The following ITPR1 variants were observed in gnomAD, a reference collection of about 807,000 sequenced individuals.
ITPR1 encodes inositol 1,4,5-trisphosphate-gated calcium channel ITPR1.
In ITPR1, 96 loss-of-function variants were observed where a neutral mutation model predicts 318.4. The observed-to-expected ratio is 0.30, with a 90% CI of 0.26 to 0.36. The LOEUF is 0.36. Ranked by LOEUF, ITPR1 falls within the 10% of genes least tolerant of loss-of-function variation. ITPR1 has a pLI of 1.00. For synonymous variants in ITPR1, 1,312 were observed against 1,289.9 expected (o/e 1.02, Z -0.37); for missense variants, 2,440 against 3,460.2 (o/e 0.71, Z 7.40).
rs146272504 is a variant in ITPR1 at position 4,783,400 on chromosome 3, T to C, written c.6511-416T>C. Among the ~76,000 whole-genome samples, 413 of 152,294 alleles carry C rather than the reference T, an allele frequency of 2.7e-3. 1 individual carries two copies. Among genetic ancestry groups the C allele is most frequent in the African/African-American group, 7.1e-3 (295 of 41,548 alleles). On this transcript the variant is annotated intron_variant, in intron 50 of 61. Transcript: ENST00000649015. ...AACCAGATACACAACAATGATGATATTGGGCCCGAGGTTGGTGGGCCCCTG... is the reference window on the plus strand; with the variant it reads ...AACCAGATACACAACAATGATGATACTGGGCCCGAGGTTGGTGGGCCCCTG...
rs1001755473 is a variant in ITPR1, at chr3:4,816,563, T to G, written c.7867+1345T>G. Among the ~76,000 whole-genome samples the G allele has an allele frequency of 3.9e-5, 6 of 152,166 alleles. No homozygotes were observed. The East Asian group carries it at 1.2e-3, about 29-fold the overall frequency. ...CACCACAACTGGCTGATTTTTTGTA[T>G]TTGAGTAGAGATGGGATTTCACTAT... is the stretch of plus-strand genomic sequence containing the variant. On this transcript the variant is annotated intron_variant, in intron 59 of 61. Transcript: ENST00000649015.
chr3:4,811,193 G>A, intron 55 of ITPR1, 72 bp from the exon 56 acceptor site: 1 of 1,127,540 alleles, frequency 8.9e-7, no homozygotes. Context: ...TATAAACCAA[G>A]TTTGCATTAT....
chr3:4,765,088 C>T (rs1244058913), intron 44 of ITPR1, among the ~76,000 whole-genome samples: 7 of 113,704 alleles, frequency 6.2e-5, no homozygotes, highest in Non-Finnish European at 9.2e-5. Context: ...AGAAAAGAAA[C>T]GAGGCAGTAA....
chr3:4,670,160 GA>G (rs756647254), intron 19 of ITPR1, among the ~76,000 whole-genome samples: 6 of 152,146 alleles, frequency 3.9e-5, no homozygotes, highest in Non-Finnish European at 7.4e-5. Context: ...TTACTGTTCA[GA>G]ACATGTTTAT....
intron 4 of ITPR1, among the ~76,000 whole-genome samples, chr3:4,587,263 T>C (rs910009542): frequency 2.0e-5 from 3 of 149,196 alleles, no homozygotes; most frequent in Non-Finnish European, 4.4e-5. Flanking sequence ...TGGTTCACAC[T>C]TCTCATGGTT....
At position 4,557,280 on chromosome 3, in the gene ITPR1, A is replaced by G. The variant is rs148813434; in HGVS notation, c.163+36186A>G. 6.8e-3 allele frequency among the ~76,000 whole-genome samples: 1,029 copies of G among 152,318 alleles called. 5 individuals are homozygous for G. Among genetic ancestry groups the G allele is most frequent in the Admixed American group, 0.01 (160 of 15,292 alleles). The stretch of plus-strand genomic sequence containing the variant: ...TACATGGTGGCAGGCAAGAGAGAGC[A>G]GGTGCAGGGGAACTCTCCTTTATAA... On this transcript the variant is annotated intron_variant, in intron 4 of 61. Coordinates refer to ENST00000649015, the MANE Select transcript of ITPR1 (RefSeq NM_001378452.1).
chr3:4,518,974 T>TA (rs2082357466), intron 3 of ITPR1, among the ~76,000 whole-genome samples: 1 of 152,126 alleles, frequency 6.6e-6, no homozygotes, highest in African/African-American at 2.4e-5. Flanking sequence ...ACAGCTTTAG[T>TA]AAGCTGGGTT....
intron 44 of ITPR1, among the ~76,000 whole-genome samples, chr3:4,748,888 G>T (rs114292907): frequency 2.6e-5 from 4 of 152,198 alleles, no homozygotes; most frequent in Non-Finnish European, 5.9e-5. Flanking sequence ...ACTGGGACGC[G>T]AAGTTGTATT....
chr3:4,705,258 C>G (rs1045541088), intron 36 of ITPR1, among the ~76,000 whole-genome samples: 1 of 152,082 alleles, frequency 6.6e-6, no homozygotes, highest in African/African-American at 2.4e-5. Context: ...GGAATAATTT[C>G]AGGTTTATGG....
At chr3:4,635,570 C>A (rs1399967220) in intron 5 of ITPR1, among the ~76,000 whole-genome samples, 1 of 152,018 alleles carries the variant, frequency 6.6e-6, no homozygotes, top group Non-Finnish European at 1.5e-5. Flanking sequence ...TGGTCTCGAT[C>A]TCCTGACCTT....
At chr3:4,787,035 A>G (rs1349436721) in intron 51 of ITPR1, among the ~76,000 whole-genome samples, 1 of 152,194 alleles carries the variant, frequency 6.6e-6, no homozygotes, top group East Asian at 1.9e-4. Flanking sequence ...TTTAAATACA[A>G]TTAAATAAAA....
chr3:4,694,280 A>C (rs2094523075), intron 33 of ITPR1, among the ~76,000 whole-genome samples: 1 of 136,738 alleles, frequency 7.3e-6, no homozygotes, highest in African/African-American at 3.5e-5. Context: ...GAAAAACTGG[A>C]TTATAAAGTA....
chr3:4,773,165 A>AGT (rs1001007707), intron 46 of ITPR1, among the ~76,000 whole-genome samples: 1 of 152,136 alleles, frequency 6.6e-6, no homozygotes. Context: ...ATCTCACTGG[A>AGT]GTAGGGCTCA....
chr3:4,755,456 C>T (rs1214820534), intron 44 of ITPR1, among the ~76,000 whole-genome samples: 1 of 148,788 alleles, frequency 6.7e-6, no homozygotes, highest in East Asian at 2.0e-4. Context: ...CCAGGCTGGT[C>T]TTGAAATCCT....
chr3:4,755,181 T>C (rs1455368729), intron 44 of ITPR1, among the ~76,000 whole-genome samples: 1 of 151,712 alleles, frequency 6.6e-6, no homozygotes, highest in Non-Finnish European at 1.5e-5. Flanking sequence ...TTTTTTTTTT[T>C]TTTTTTTTTA....
intron 42 of ITPR1, among the ~76,000 whole-genome samples, chr3:4,731,040 A>T (rs1382915232): frequency 6.6e-6 from 1 of 152,226 alleles, no homozygotes; most frequent in Admixed American, 6.5e-5. Context: ...TGTCATACTG[A>T]AAGAAAATCA....
At chr3:4,568,659 G>A (rs1468990397) in intron 4 of ITPR1, among the ~76,000 whole-genome samples, 1 of 152,156 alleles carries the variant, frequency 6.6e-6, no homozygotes, top group East Asian at 1.9e-4. Flanking sequence ...GCAAAATCAA[G>A]GAGATATGGA....
intron 4 of ITPR1, among the ~76,000 whole-genome samples, chr3:4,595,054 C>A (rs972285782): frequency 6.6e-6 from 1 of 152,102 alleles, no homozygotes; most frequent in Non-Finnish European, 1.5e-5. Flanking sequence ...CTTTTCCCTT[C>A]TGAAAAATAA....
chr3:4,653,675 A>C (rs774323369), intron 11 of ITPR1, among the ~76,000 whole-genome samples, 167 bp from the exon 12 acceptor site: 4 of 152,180 alleles, frequency 2.6e-5, no homozygotes, highest in Non-Finnish European at 5.9e-5. Flanking sequence ...TGCTGTACCC[A>C]TGTGACCTGT....
Sources: gnomAD v4.1 joint callset for allele counts (sites outside exome capture counted in the v4.1 genomes callset) on GRCh38, gnomAD v4.1.1 for gene constraint, MANE v1.5 for transcripts, NCBI Gene and HGNC (gene_info 2026-07-23, HGNC 2026-07-21) for gene names.